RNF115: variants seen among roughly 807,000 people sequenced by gnomAD.
RNF115 encodes the protein ring finger protein 115, also known as E3 ubiquitin-protein ligase RNF115.
RNF115 carries 31 observed loss-of-function variants against 39.2 expected under a neutral mutation model. That is an observed-to-expected ratio of 0.79 (90% confidence interval 0.59 to 1.07). The LOEUF (loss-of-function observed/expected upper bound fraction) is 1.07. Ranked by LOEUF, RNF115 falls within the 50% of genes least tolerant of loss-of-function variation. The pLI, the probability that RNF115 is intolerant of heterozygous loss-of-function variation, is 0.00. For synonymous variants in RNF115, 124 were observed against 131.0 expected (o/e 0.95, Z 0.37); for missense variants, 384 against 381.7 (o/e 1.01, Z -0.05).
intron 1 of RNF115, 136 bp from the exon 2 acceptor site, chr1:145,789,102 GTTTT>G (rs797033513): frequency 2.1e-5 from 10 of 484,302 alleles, no homozygotes; most frequent in Middle Eastern, 5.9e-4. Flanking sequence ...AGTAGTTTTT[GTTTT>G]TTTTTTTCTT....
chr1:145,772,389 A>G (rs1647681667), intron 3 of RNF115: 1 of 157,128 alleles, frequency 6.4e-6, no homozygotes, highest in African/African-American at 2.4e-5. Flanking sequence ...GACTCCTTTT[A>G]GCATTTCTTA....
chr1:145,748,883 C>CTAA (rs1657976500), intron 7 of RNF115, among the ~76,000 whole-genome samples: 1 of 136,434 alleles, frequency 7.3e-6, no homozygotes, highest in African/African-American at 2.7e-5. Flanking sequence ...GACTCTGTCT[C>CTAA]AAAAAAAAAA....
At chr1:145,785,531 C>T (rs1571751315) in intron 2 of RNF115, among the ~76,000 whole-genome samples, 1 of 152,150 alleles carries the variant, frequency 6.6e-6, no homozygotes, top group African/African-American at 2.4e-5. Flanking sequence ...AACAAGTTAA[C>T]ACATCCGGGA....
At chr1:145,776,416 G>A (rs587626663) in intron 3 of RNF115, among the ~76,000 whole-genome samples, 9 of 151,650 alleles carry the variant, frequency 5.9e-5, no homozygotes, top group South Asian at 4.2e-4. Context: ...CACCTGCCTC[G>A]GCCTCCCAGA....
At chr1:145,753,420 C>A (rs1046988540) in intron 4 of RNF115, among the ~76,000 whole-genome samples, 5 of 152,134 alleles carry the variant, frequency 3.3e-5, no homozygotes, top group Admixed American at 2.6e-4. Context: ...AAGGGTAGTT[C>A]CATTTTTGTA....
chr1:145,744,132 G>C lies in RNF115; in HGVS notation c.*2734C>G, dbSNP rs1316124405. On this transcript the variant is annotated 3_prime_UTR_variant, in exon 9 of 9. Coordinates refer to ENST00000582693, the MANE Select transcript of RNF115 (RefSeq NM_014455.4). ...TTCTCTAGGCATTGGTTCTCTATCT[G>C]TACGTAAAACTACAACTGCCTGTCC... 1.3e-5 allele frequency: 2 copies of C among 152,268 alleles called. No homozygotes were observed. The highest frequency in any genetic ancestry group is 1.5e-5 in the Non-Finnish European group (1 of 68,044). The allele number at this position is 152,268 out of a possible 1,614,324, so 9.4% of individuals were successfully genotyped here.
At chr1:145,786,395 C>G (rs1648381913) in intron 2 of RNF115, among the ~76,000 whole-genome samples, 1 of 152,150 alleles carries the variant, frequency 6.6e-6, no homozygotes, top group Non-Finnish European at 1.5e-5. Context: ...TATCATACTG[C>G]CTCTAAGACA....
intron 1 of RNF115, among the ~76,000 whole-genome samples, chr1:145,811,842 C>T (rs587609531): frequency 5.2e-5 from 4 of 77,150 alleles, no homozygotes; most frequent in African/African-American, 1.3e-4. Context: ...GCCAAGATCA[C>T]GCCACTGCAC....
At chr1:145,823,658 G>C in intron 1 of RNF115, 114 bp downstream of exon 1, 2 of 873,254 alleles carry the variant, frequency 2.3e-6, no homozygotes, top group Non-Finnish European at 3.3e-6. Context: ...GCAGGTATTC[G>C]GCAGACCGAT....
At chr1:145,794,164 T>C (rs1323652092) in intron 1 of RNF115, among the ~76,000 whole-genome samples, 1 of 152,154 alleles carries the variant, frequency 6.6e-6, no homozygotes, top group Non-Finnish European at 1.5e-5. Flanking sequence ...CCCTCTTAAG[T>C]CGTGTCCTGC....
chr1:145,741,846 A>C lies in RNF115; in HGVS notation c.*5020T>G, dbSNP rs1657701123. The stretch of plus-strand genomic sequence containing the variant: ...TCTTCTCACCTGGGCGTGGTGGCTA[A>C]TGCCTGTAATCCCAGCACTTTGGGA... On this transcript the variant is annotated 3_prime_UTR_variant, in exon 9 of 9. Coordinates refer to ENST00000582693, the MANE Select transcript of RNF115 (RefSeq NM_014455.4). The C allele has an allele frequency of 6.6e-6, 1 of 152,272 alleles. No individual in the cohort carries two copies. The highest frequency in any genetic ancestry group is 1.5e-5 in the Non-Finnish European group (1 of 68,134). The allele number at this position is 152,272 out of a possible 1,614,324, so 9.4% of individuals were successfully genotyped here. A position where few individuals can be genotyped will look rare whatever the true frequency, so the allele number is the denominator to read the frequency against.
intron 4 of RNF115, among the ~76,000 whole-genome samples, chr1:145,770,369 G>T (rs1647579941): frequency 6.6e-6 from 1 of 152,120 alleles, no homozygotes; most frequent in African/African-American, 2.4e-5. Flanking sequence ...GGGAAAGGGG[G>T]AGTGTAGGCT....
intron 3 of RNF115, chr1:145,773,587 C>T (rs1168059447): frequency 2.6e-5 from 4 of 152,228 alleles, no homozygotes; most frequent in Non-Finnish European, 5.9e-5. Flanking sequence ...ATATTCACTT[C>T]CTGTTTGTGT....
intron 1 of RNF115, among the ~76,000 whole-genome samples, chr1:145,813,885 G>T (rs1423070943): frequency 2.8e-5 from 4 of 144,216 alleles, no homozygotes; most frequent in Non-Finnish European, 6.0e-5. Flanking sequence ...GTTTTGAGGG[G>T]TCTATCCTGT....
chr1:145,770,419 T>A (rs1233337499), intron 4 of RNF115, among the ~76,000 whole-genome samples: 2 of 152,072 alleles, frequency 1.3e-5, no homozygotes, highest in Non-Finnish European at 2.9e-5. Flanking sequence ...ATAATGGAAA[T>A]TTTCTATAAT....
intron 1 of RNF115, among the ~76,000 whole-genome samples, chr1:145,795,340 A>G (rs1292893919): frequency 2.6e-5 from 4 of 152,148 alleles, no homozygotes; most frequent in Non-Finnish European, 5.9e-5. Context: ...CAAAGCTTCC[A>G]CAACGCGGAA....
At chr1:145,765,290 C>T (rs1463053775) in intron 4 of RNF115, among the ~76,000 whole-genome samples, 8 of 152,140 alleles carry the variant, frequency 5.3e-5, no homozygotes, top group Admixed American at 3.3e-4. Context: ...TGTGGAAGGC[C>T]GCAGGGCCCT....
In RNF115 at chr1:145,740,188, A is replaced by G. The variant is rs1553710815; in HGVS notation, c.*6678T>C. ...ATCTTCTGGAGCTACTCAACATTAT[A>G]CAATCACTGGAAGTCTCAGAAGATA... On this transcript the variant is annotated 3_prime_UTR_variant, in exon 9 of 9. Coordinates refer to ENST00000582693, the MANE Select transcript of RNF115 (RefSeq NM_014455.4). 6.6e-6 allele frequency: 1 copy of G among 152,240 alleles called. No homozygotes were observed. Among genetic ancestry groups the G allele is most frequent in the East Asian group, 1.9e-4 (1 of 5,200 alleles). 9.4% of individuals were successfully genotyped at this position (152,240 alleles called of 1,614,324 possible).
Position 145,817,473 on chromosome 1 carries a change from T to G in RNF115, c.102+6299A>C, listed in dbSNP as rs1490488224. On this transcript the variant is annotated intron_variant, in intron 1 of 8. Transcript: ENST00000582693. ...CCAACTATCACAAGAGTCAGTACCC[T>G]CTTTGTTTACTTTGTTTTTATAAAA... 2.8e-5 allele frequency among the ~76,000 whole-genome samples: 4 copies of G among 141,682 alleles called. No individual in the cohort carries two copies. The East Asian group carries it at 5.9e-4, about 21-fold the overall frequency. The allele number at this position is 141,682 out of a possible 152,430, so 92.9% of individuals were successfully genotyped here. A position where few individuals can be genotyped will look rare whatever the true frequency, so the allele number is the denominator to read the frequency against.
Sources: allele counts gnomAD v4.1 joint callset (sites outside exome capture counted in the v4.1 genomes callset), GRCh38; gene constraint gnomAD v4.1.1; transcripts MANE v1.5; gene names NCBI Gene and HGNC (gene_info 2026-07-23, HGNC 2026-07-21).